The following ACAP2 variants were observed in gnomAD, a reference collection of about 807,000 sequenced individuals.
The protein encoded by ACAP2 is arf-GAP with coiled-coil, ANK repeat and PH domain-containing protein 2.
A neutral mutation model predicts 115.8 loss-of-function variants in ACAP2; 39 were observed. The ratio of observed to expected loss-of-function variants is 0.34; its 90% CI spans 0.26 to 0.44. The LOEUF is 0.44. Among genes scored for constraint, ACAP2 ranks in the 20% least tolerant of loss-of-function variants. The pLI, the probability that ACAP2 is intolerant of heterozygous loss-of-function variation, is 1.00. For missense variants in ACAP2, 662 were observed against 927.6 expected, an observed-to-expected ratio of 0.71 and a Z score of 3.72; for synonymous variants, 289 against 315.8, an observed-to-expected ratio of 0.92 and a Z score of 0.90.
At chr3:195,424,139 G>C (rs1199596467) in intron 1 of ACAP2, among the ~76,000 whole-genome samples, 1 of 150,862 alleles carries the variant, frequency 6.6e-6, no homozygotes, top group Non-Finnish European at 1.5e-5. Flanking sequence ...TAATAGTTGT[G>C]TTCTCTGTCC....
chr3:195,325,181 T>C (rs1411675639), intron 9 of ACAP2, among the ~76,000 whole-genome samples: 1 of 152,154 alleles, frequency 6.6e-6, no homozygotes, highest in Non-Finnish European at 1.5e-5. Flanking sequence ...TATAATATTT[T>C]GAAAAACAAT....
At chr3:195,414,579 C>A (rs930774009) in intron 1 of ACAP2, among the ~76,000 whole-genome samples, 2 of 152,116 alleles carry the variant, frequency 1.3e-5, no homozygotes, top group Non-Finnish European at 2.9e-5. Context: ...ATCCAGACAA[C>A]AGAGTATCAT....
chr3:195,317,640 A>G (rs896346720), intron 10 of ACAP2, among the ~76,000 whole-genome samples: 5 of 152,200 alleles, frequency 3.3e-5, no homozygotes, highest in African/African-American at 1.2e-4. Context: ...ATACAATGAA[A>G]TATTTTATAC....
intron 21 of ACAP2, among the ~76,000 whole-genome samples, chr3:195,288,777 G>C (rs1474614787): frequency 2.0e-5 from 3 of 152,146 alleles, no homozygotes; most frequent in Non-Finnish European, 2.9e-5. Context: ...AGAATGGCTT[G>C]AATCTGGGAG....
At chr3:195,324,505 G>A (rs1729647461) in intron 9 of ACAP2, among the ~76,000 whole-genome samples, 1 of 152,118 alleles carries the variant, frequency 6.6e-6, no homozygotes, top group African/African-American at 2.4e-5. Context: ...TGTAATCCGA[G>A]CACATTGGGA....
chr3:195,343,753 C>T (rs1731022166), intron 5 of ACAP2, among the ~76,000 whole-genome samples: 1 of 152,140 alleles, frequency 6.6e-6, no homozygotes. Flanking sequence ...CATAACATCC[C>T]TTTGCTTTTA....
At chr3:195,293,366 G>A (rs1040607751) in intron 18 of ACAP2, among the ~76,000 whole-genome samples, 1 of 152,156 alleles carries the variant, frequency 6.6e-6, no homozygotes, top group Non-Finnish European at 1.5e-5. Flanking sequence ...ATGGAGGAGG[G>A]GACAAGGGTT....
At chr3:195,363,405 G>A (rs1732500719) in intron 4 of ACAP2, among the ~76,000 whole-genome samples, 1 of 152,186 alleles carries the variant, frequency 6.6e-6, no homozygotes, top group South Asian at 2.1e-4. Context: ...CACTTTGGGA[G>A]GCTGAGATGG....
chr3:195,278,238 T>A lies in ACAP2; in HGVS notation c.*1090A>T, dbSNP rs1025082768. 2 of 152,184 alleles carry A rather than the reference T, an allele frequency of 1.3e-5. No homozygotes were observed. Among genetic ancestry groups the A allele is most frequent in the Non-Finnish European group, 2.9e-5 (2 of 68,030 alleles). The allele number at this position is 152,184 out of a possible 1,614,324, so 9.4% of individuals were successfully genotyped here. On this transcript the variant is annotated 3_prime_UTR_variant, in exon 23 of 23. Transcript: ENST00000326793. ...ATCATGTAACCGAATACTAAAGCTA[T>A]ATACACGATATAATTTAAAAGAATG...
intron 12 of ACAP2, 187 bp from the exon 13 acceptor site, chr3:195,306,803 C>T: frequency 2.5e-6 from 1 of 395,260 alleles, no homozygotes; most frequent in South Asian, 4.7e-5. Flanking sequence ...ATTAAGGTGC[C>T]AATGAAACAA....
chr3:195,301,701 A>C (rs1484154557), intron 14 of ACAP2, 57 bp from the exon 15 acceptor site: 1 of 1,508,618 alleles, frequency 6.6e-7, no homozygotes, highest in Admixed American at 1.8e-5. Context: ...GTATTTGCGC[A>C]AGTTCTGTTT....
At chr3:195,395,636 C>T (rs1396508081) in intron 1 of ACAP2, among the ~76,000 whole-genome samples, 3 of 152,166 alleles carry the variant, frequency 2.0e-5, no homozygotes, top group East Asian at 1.9e-4. Context: ...GCCATGATGG[C>T]GTAGTTGAGT....
intron 1 of ACAP2, among the ~76,000 whole-genome samples, chr3:195,392,411 A>C (rs1734738855): frequency 6.6e-6 from 1 of 152,214 alleles, no homozygotes; most frequent in Admixed American, 6.5e-5. Flanking sequence ...ATAACACAAA[A>C]TACAGCTATT....
intron 4 of ACAP2, among the ~76,000 whole-genome samples, chr3:195,358,671 C>T (rs1732148411): frequency 6.6e-6 from 1 of 151,516 alleles, no homozygotes; most frequent in African/African-American, 2.4e-5. Flanking sequence ...TGTTTAAAAA[C>T]AGAGAAGAAA....
intron 1 of ACAP2, among the ~76,000 whole-genome samples, chr3:195,401,272 G>A (rs1712267164): frequency 6.6e-6 from 1 of 152,110 alleles, no homozygotes; most frequent in Non-Finnish European, 1.5e-5. Flanking sequence ...AAACAACCAA[G>A]CATCTTATTA....
At position 195,442,803 on chromosome 3, in the gene ACAP2, G is replaced by C. The variant is rs775191103; in HGVS notation, c.45C>G (p.Pro15=). 2 of 1,530,188 alleles carry C rather than the reference G, an allele frequency of 1.3e-6. No homozygotes were observed. The highest frequency in any genetic ancestry group is 1.2e-5 in the South Asian group (1 of 82,104). The allele number at this position is 1,530,188 out of a possible 1,614,324, so 94.8% of individuals were successfully genotyped here. A position where few individuals can be genotyped will look rare whatever the true frequency, so the allele number is the denominator to read the frequency against. ...VDFEECLKDS[P]RFRAALEEVE... ...GCGGCCGTGCCGGTTACCTGAAGCGGGGCGAGTCCTTCAGACACTCCTCGA... is the reference window on the plus strand; with the variant it reads ...GCGGCCGTGCCGGTTACCTGAAGCGCGGCGAGTCCTTCAGACACTCCTCGA... Residue 15 remains proline, a synonymous_variant, in exon 1 of 23, where the codon CCC becomes CCG. Transcript: ENST00000326793.
chr3:195,423,215 TAAAG>T, intron 1 of ACAP2, among the ~76,000 whole-genome samples: 1 of 152,184 alleles, frequency 6.6e-6, no homozygotes, highest in East Asian at 1.9e-4. Flanking sequence ...GCATGTAAGA[TAAAG>T]AGATAGAGAC....
intron 2 of ACAP2, among the ~76,000 whole-genome samples, chr3:195,389,588 A>C (rs1398763491): frequency 6.6e-6 from 1 of 152,194 alleles, no homozygotes; most frequent in Non-Finnish European, 1.5e-5. Flanking sequence ...CTTCCATAAA[A>C]TCAAAACTAT....
rs549571531 is a variant in ACAP2, at chr3:195,429,498, G to T, written c.53+13297C>A. Among the ~76,000 whole-genome samples, 23 of 151,662 alleles carry T rather than the reference G, an allele frequency of 1.5e-4. 1 individual carries two copies. Among genetic ancestry groups the T allele is most frequent in the Admixed American group, 1.5e-3 (23 of 15,192 alleles). On this transcript the variant is annotated intron_variant, in intron 1 of 22. Coordinates refer to ENST00000326793, the MANE Select transcript of ACAP2 (RefSeq NM_012287.6). ...ATAATAATTGACATACAAACCATAAGAATCTATTTATAATGTTCAACGATA... is the reference window on the plus strand; with the variant it reads ...ATAATAATTGACATACAAACCATAATAATCTATTTATAATGTTCAACGATA...
Sources: gnomAD v4.1 joint callset for allele counts (sites outside exome capture counted in the v4.1 genomes callset) on GRCh38, gnomAD v4.1.1 for gene constraint, MANE v1.5 for transcripts, NCBI Gene and HGNC (gene_info 2026-07-23, HGNC 2026-07-21) for gene names.